ME1: variants seen among roughly 807,000 people sequenced by gnomAD.
The protein encoded by ME1 is malic enzyme 1.
A neutral mutation model predicts 66.4 loss-of-function variants in ME1; 74 were observed. The ratio of observed to expected loss-of-function variants is 1.11; its 90% CI spans 0.92 to 1.35. ME1 has a LOEUF of 1.35. Among genes scored for constraint, ME1 ranks in the 40% most tolerant of loss-of-function variants. The pLI, the probability that ME1 is intolerant of heterozygous loss-of-function variation, is 0.00. For missense variants in ME1, 750 were observed against 694.1 expected, an observed-to-expected ratio of 1.08 and a Z score of -0.90; for synonymous variants, 251 against 235.6, an observed-to-expected ratio of 1.07 and a Z score of -0.60.
intron 7 of ME1, among the ~76,000 whole-genome samples, chr6:83,240,424 C>G (rs946604309): frequency 2.0e-5 from 3 of 151,996 alleles, no homozygotes; most frequent in Admixed American, 1.3e-4. Context: ...ATTATATTTT[C>G]CTCATCATGT....
At chr6:83,250,956 G>A (rs1306008562) in intron 7 of ME1, among the ~76,000 whole-genome samples, 1 of 152,202 alleles carries the variant, frequency 6.6e-6, no homozygotes, top group African/African-American at 2.4e-5. Context: ...ATAAACAAGT[G>A]GGCATGGCTT....
rs972851859 is a variant in ME1 at position 83,320,330 on chromosome 6, G to A, written c.601-4917C>T. Among the ~76,000 whole-genome samples the A allele has an allele frequency of 3.3e-5, 5 of 152,222 alleles. 1 individual carries two copies. Among genetic ancestry groups the A allele is most frequent in the African/African-American group, 7.2e-5 (3 of 41,450 alleles). On this transcript the variant is annotated intron_variant, in intron 5 of 13. Coordinates refer to ENST00000369705, the MANE Select transcript of ME1 (RefSeq NM_002395.6). ...AATTATAGCCCAGTTCTTCACACTTGTTGTCCTGTTGTAATTAGTAATGGC... is the reference window on the plus strand; with the variant it reads ...AATTATAGCCCAGTTCTTCACACTTATTGTCCTGTTGTAATTAGTAATGGC...
At chr6:83,356,107 A>G (rs1243090702) in intron 3 of ME1, among the ~76,000 whole-genome samples, 1 of 152,120 alleles carries the variant, frequency 6.6e-6, no homozygotes, top group African/African-American at 2.4e-5. Flanking sequence ...TTTATTTCGT[A>G]TCAAGATAAA....
chr6:83,224,692 AAAAAAT>A (rs1424096866), intron 11 of ME1, among the ~76,000 whole-genome samples: 9 of 144,554 alleles, frequency 6.2e-5, no homozygotes, highest in Non-Finnish European at 1.0e-4. Context: ...TCAAAAAAAA[AAAAAAT>A]AAAAATAATA....
At chr6:83,359,817 C>A (rs1310678005) in intron 3 of ME1, among the ~76,000 whole-genome samples, 1 of 152,198 alleles carries the variant, frequency 6.6e-6, no homozygotes, top group African/African-American at 2.4e-5. Context: ...CTCTCCTCTG[C>A]ATGTCAGATG....
At chr6:83,427,204 C>T (rs745401951) in intron 1 of ME1, among the ~76,000 whole-genome samples, 2 of 152,172 alleles carry the variant, frequency 1.3e-5, no homozygotes, top group African/African-American at 2.4e-5. Flanking sequence ...GGCAGATTTA[C>T]TTCCCCAATT....
intron 6 of ME1, among the ~76,000 whole-genome samples, chr6:83,299,491 A>G (rs1281516622): frequency 6.6e-6 from 1 of 152,088 alleles, no homozygotes; most frequent in Non-Finnish European, 1.5e-5. Context: ...CAGCTTAAGG[A>G]GCTTTTGGGC....
At chr6:83,296,273 A>G (rs1583363640) in intron 6 of ME1, among the ~76,000 whole-genome samples, 1 of 152,116 alleles carries the variant, frequency 6.6e-6, no homozygotes, top group East Asian at 1.9e-4. Context: ...AAAAGAAAAA[A>G]AAGACTTGCA....
At chr6:83,429,290 C>A (rs1212261928) in intron 1 of ME1, among the ~76,000 whole-genome samples, 6 of 152,172 alleles carry the variant, frequency 3.9e-5, no homozygotes, top group East Asian at 1.9e-4. Context: ...ATAATAAATT[C>A]TTGATGTAAG....
intron 2 of ME1, among the ~76,000 whole-genome samples, chr6:83,404,157 C>A (rs1247657892): frequency 6.6e-6 from 1 of 152,140 alleles, no homozygotes; most frequent in African/African-American, 2.4e-5. Flanking sequence ...TACAGCCTCA[C>A]CAGCATCTGT....
intron 6 of ME1, among the ~76,000 whole-genome samples, chr6:83,269,112 T>A (rs1004228617): frequency 6.6e-6 from 1 of 152,160 alleles, no homozygotes; most frequent in Non-Finnish European, 1.5e-5. Flanking sequence ...TTTAGGTAAG[T>A]GTTACTATAG....
chr6:83,395,756 G>A (rs1009111023), intron 3 of ME1, among the ~76,000 whole-genome samples: 1 of 151,762 alleles, frequency 6.6e-6, no homozygotes, highest in Admixed American at 6.6e-5. Flanking sequence ...TTACAGGTAT[G>A]AGCCACTGTG....
intron 12 of ME1, among the ~76,000 whole-genome samples, chr6:83,217,053 A>G (rs1365933651): frequency 6.6e-6 from 1 of 152,220 alleles, no homozygotes; most frequent in East Asian, 1.9e-4. Context: ...AGGCTGAGAA[A>G]GCTAGTTCAG....
intron 6 of ME1, among the ~76,000 whole-genome samples, chr6:83,299,837 G>T (rs1338263231): frequency 1.3e-5 from 2 of 152,108 alleles, no homozygotes; most frequent in African/African-American, 4.8e-5. Flanking sequence ...TCGAAGGCCT[G>T]TTCTGCTTCT....
At chr6:83,325,687 T>G (rs1028753331) in intron 5 of ME1, among the ~76,000 whole-genome samples, 1 of 151,844 alleles carries the variant, frequency 6.6e-6, no homozygotes, top group African/African-American at 2.4e-5. Flanking sequence ...CAAGAAAAAC[T>G]ACAAACCACT....
chr6:83,281,693 C>T (rs992062547), intron 6 of ME1, among the ~76,000 whole-genome samples: 1 of 150,306 alleles, frequency 6.7e-6, no homozygotes. Context: ...ATAATTCCAG[C>T]TACTCGGGAG....
At chr6:83,314,473 T>C (rs1003789334) in intron 6 of ME1, among the ~76,000 whole-genome samples, 2 of 152,204 alleles carry the variant, frequency 1.3e-5, no homozygotes, top group African/African-American at 2.4e-5. Context: ...ATAATGGTGA[T>C]GCCAAACAAC....
At chr6:83,301,917 A>G (rs1274677855) in intron 6 of ME1, among the ~76,000 whole-genome samples, 5 of 152,126 alleles carry the variant, frequency 3.3e-5, no homozygotes, top group Non-Finnish European at 7.3e-5. Context: ...AAACATAACT[A>G]CCATTCAACC....
At chr6:83,222,645 C>T (rs1286323486) in intron 12 of ME1, among the ~76,000 whole-genome samples, 1 of 152,074 alleles carries the variant, frequency 6.6e-6, no homozygotes, top group Non-Finnish European at 1.5e-5. Context: ...TAAATATATG[C>T]CCAATCACCG....
Sources: gnomAD v4.1 joint callset for allele counts (sites outside exome capture counted in the v4.1 genomes callset) on GRCh38, gnomAD v4.1.1 for gene constraint, MANE v1.5 for transcripts, NCBI Gene and HGNC (gene_info 2026-07-23, HGNC 2026-07-21) for gene names.